Variants in ZFHX3 observed in about 807,000 individuals in gnomAD.
ZFHX3 encodes the protein zinc finger homeobox protein 3.
A neutral mutation model predicts 279.1 loss-of-function variants in ZFHX3; 42 were observed. That is an observed-to-expected ratio of 0.15 (90% CI 0.12 to 0.19). ZFHX3 has a LOEUF of 0.19. Ranked by LOEUF, ZFHX3 falls within the 10% of genes least tolerant of loss-of-function variation. The pLI is 1.00. For missense variants in ZFHX3, 4,981 were observed against 4,754.0 expected (o/e 1.05, Z -1.40); for synonymous variants, 2,293 against 1,957.8 (o/e 1.17, Z -4.52).
intron 7 of ZFHX3, among the ~76,000 whole-genome samples, chr16:73,118,766 T>C (rs1376591279): frequency 6.6e-6 from 1 of 152,034 alleles, no homozygotes; most frequent in Non-Finnish European, 1.5e-5. Flanking sequence ...TTTGTAAGAG[T>C]GTTTCTGTGG....
chr16:73,124,205 G>T (rs1224030242), intron 7 of ZFHX3, among the ~76,000 whole-genome samples: 1 of 152,138 alleles, frequency 6.6e-6, no homozygotes, highest in Non-Finnish European at 1.5e-5. Context: ...TTAAGCAGCA[G>T]AAATATATTT....
intron 1 of ZFHX3, among the ~76,000 whole-genome samples, chr16:73,844,774 A>G (rs1228667978): frequency 2.0e-5 from 3 of 151,812 alleles, no homozygotes; most frequent in Admixed American, 6.6e-5. Flanking sequence ...AGAGATAGAC[A>G]ATACAGAGAT....
chr16:73,010,788 T>C lies in ZFHX3; in HGVS notation c.-50+36964A>G, dbSNP rs1471887534. On this transcript the variant is annotated intron_variant, in intron 1 of 9. Coordinates refer to ENST00000268489, the MANE Select transcript of ZFHX3 (RefSeq NM_006885.4). Reference sequence around the variant, plus strand: ...ATCAAGTTCTACTCTCTGACCAACATTGAACATTTTATTTTTATTTTATTT... The same window carrying C: ...ATCAAGTTCTACTCTCTGACCAACACTGAACATTTTATTTTTATTTTATTT... Among the ~76,000 whole-genome samples, 4 of 152,146 alleles carry C rather than the reference T, an allele frequency of 2.6e-5. No individual in the cohort carries two copies. In the South Asian group the frequency reaches 6.2e-4, roughly 24 times the overall value.
chr16:72,861,999 A>G (rs561145880), intron 4 of ZFHX3, among the ~76,000 whole-genome samples: 1 of 152,334 alleles, frequency 6.6e-6, no homozygotes, highest in East Asian at 1.9e-4. Context: ...TGGGCAACAG[A>G]GCAGGACTCC....
intron 1 of ZFHX3, among the ~76,000 whole-genome samples, chr16:73,780,111 ATTTTTTTTTTTTTTTTTTTTTTTTTT>A (rs762134796): frequency 0.018 from 599 of 33,190 alleles, 13 homozygotes; most frequent in African/African-American, 0.04. Context: ...CTGCATTTGA[ATTTTTTTTTTTTTTTTTTTTTTTTTT>A]TTTTTTTTTT....
intron 1 of ZFHX3, among the ~76,000 whole-genome samples, chr16:73,694,315 T>A (rs2053175629): frequency 6.6e-6 from 1 of 151,678 alleles, no homozygotes; most frequent in East Asian, 1.9e-4. Context: ...AGAGCGAGGC[T>A]ATCTCAAAAT....
At chr16:73,248,188 T>C (rs146057142) in intron 5 of ZFHX3, among the ~76,000 whole-genome samples, 39 of 151,788 alleles carry the variant, frequency 2.6e-4, no homozygotes, top group African/African-American at 8.9e-4. Context: ...GCGTACTGTG[T>C]ATATAATGTG....
At chr16:73,527,358 T>C (rs1363542607) in intron 2 of ZFHX3, among the ~76,000 whole-genome samples, 1 of 152,184 alleles carries the variant, frequency 6.6e-6, no homozygotes, top group South Asian at 2.1e-4. Context: ...TGAGACAGGT[T>C]GTGTCTATGA....
intron 2 of ZFHX3, among the ~76,000 whole-genome samples, chr16:73,574,272 C>A (rs898216364): frequency 2.0e-5 from 3 of 152,196 alleles, no homozygotes; most frequent in African/African-American, 7.2e-5. Flanking sequence ...AGAAATGATG[C>A]AAAATTTCAT....
intron 2 of ZFHX3, among the ~76,000 whole-genome samples, chr16:73,634,512 T>A (rs2052510844): frequency 6.7e-6 from 1 of 150,058 alleles, no homozygotes; most frequent in Non-Finnish European, 1.5e-5. Flanking sequence ...TGTTGGCCTA[T>A]TTCCCCAGAT....
At chr16:72,977,552 G>C (rs758810892) in intron 1 of ZFHX3, among the ~76,000 whole-genome samples, 17 of 151,190 alleles carry the variant, frequency 1.1e-4, no homozygotes, top group Non-Finnish European at 2.1e-4. Flanking sequence ...TCGACTTTGA[G>C]TTGTTCCCCA....
At chr16:73,522,957 C>T (rs2019631038) in intron 2 of ZFHX3, among the ~76,000 whole-genome samples, 1 of 152,160 alleles carries the variant, frequency 6.6e-6, no homozygotes, top group South Asian at 2.1e-4. Flanking sequence ...AATTCACTCA[C>T]TATCAGGAGA....
At chr16:73,503,798 TCA>T (rs1281105941) in intron 2 of ZFHX3, among the ~76,000 whole-genome samples, 3 of 152,228 alleles carry the variant, frequency 2.0e-5, no homozygotes, top group Non-Finnish European at 4.4e-5. Context: ...GTCAATGGAT[TCA>T]CAATTGGCAT....
chr16:73,572,270 G>C (rs2051748244), intron 2 of ZFHX3, among the ~76,000 whole-genome samples: 1 of 152,104 alleles, frequency 6.6e-6, no homozygotes, highest in South Asian at 2.1e-4. Flanking sequence ...GGGTGGTTTG[G>C]GGCTGTTTTT....
At chr16:73,001,154 C>T (rs532444674) in intron 1 of ZFHX3, among the ~76,000 whole-genome samples, 2 of 152,314 alleles carry the variant, frequency 1.3e-5, no homozygotes, top group African/African-American at 4.8e-5. Context: ...TCATCTGCAC[C>T]CTTCTCCTCC....
At chr16:73,183,008 C>A (rs550143294) in intron 5 of ZFHX3, among the ~76,000 whole-genome samples, 1 of 152,272 alleles carries the variant, frequency 6.6e-6, no homozygotes, top group South Asian at 2.1e-4. Context: ...AGTTCAAGAC[C>A]AGCCTGACCA....
intron 2 of ZFHX3, among the ~76,000 whole-genome samples, chr16:73,511,740 C>T (rs825828): frequency 0.11 from 17,317 of 152,080 alleles, 1,126 homozygotes; most frequent in East Asian, 0.21. Flanking sequence ...AGAAGGGTGG[C>T]AAAGGAGATG....
chr16:73,254,653 G>A (rs773420773), intron 5 of ZFHX3, among the ~76,000 whole-genome samples: 20 of 152,066 alleles, frequency 1.3e-4, no homozygotes, highest in East Asian at 3.9e-4. Flanking sequence ...AATTGACATC[G>A]ATGTAATATT....
At chr16:73,048,167 G>A (rs1352722483), upstream of ZFHX3, 2 of 152,114 alleles carry the variant, frequency 1.3e-5, no homozygotes, top group Non-Finnish European at 2.9e-5. Flanking sequence ...ACCGCCCGGG[G>A]AAGGGGGGCG....
Sources: gnomAD v4.1 joint callset for allele counts (sites outside exome capture counted in the v4.1 genomes callset) on GRCh38, gnomAD v4.1.1 for gene constraint, MANE v1.5 for transcripts, NCBI Gene and HGNC (gene_info 2026-07-23, HGNC 2026-07-21) for gene names.